Variants in SPTA1 observed in about 807,000 individuals in gnomAD.
The protein encoded by SPTA1 is spectrin alpha, erythrocytic 1, also known as spectrin alpha chain, erythrocytic 1.
A neutral mutation model predicts 324.7 loss-of-function variants in SPTA1; 177 were observed. The observed-to-expected ratio is 0.55, with a 90% confidence interval of 0.48 to 0.62. The LOEUF is 0.62. Among genes scored for constraint, SPTA1 ranks in the 20% least tolerant of loss-of-function variants. The pLI is 0.00. For synonymous variants in SPTA1, 1,195 were observed against 1,041.3 expected (o/e 1.15, Z -2.84); for missense variants, 3,162 against 2,883.6 (o/e 1.10, Z -2.21).
intron 39 of SPTA1, 75 bp downstream of exon 39, chr1:158,634,468 G>A (rs1650910622): frequency 1.3e-6 from 2 of 1,587,184 alleles, no homozygotes; most frequent in African/African-American, 1.3e-5. Context: ...TAATATTACA[G>A]GTAAAAACAC....
intron 42 of SPTA1, among the ~76,000 whole-genome samples, chr1:158,625,122 A>C (rs1206133601): frequency 6.6e-6 from 1 of 152,226 alleles, no homozygotes; most frequent in Non-Finnish European, 1.5e-5. Flanking sequence ...ACCCAACTAT[A>C]CAATATTTAC....
chr1:158,662,019 T>A (rs887748298), intron 17 of SPTA1, among the ~76,000 whole-genome samples: 8 of 152,196 alleles, frequency 5.3e-5, no homozygotes, highest in Admixed American at 6.5e-5. Context: ...ATGCTTTATC[T>A]CTTTTCCCTC....
intron 32 of SPTA1, 102 bp downstream of exon 32, chr1:158,642,712 T>C: frequency 3.8e-6 from 6 of 1,594,196 alleles, no homozygotes; most frequent in Non-Finnish European, 4.3e-6. Flanking sequence ...GCAGGCATGG[T>C]AGCCTCAACA....
chr1:158,636,575 A>C, intron 37 of SPTA1, 66 bp downstream of exon 37: 1 of 1,573,192 alleles, frequency 6.4e-7, no homozygotes, highest in East Asian at 2.2e-5. Flanking sequence ...CCTCTTATTT[A>C]TCTGTAACAC....
At chr1:158,644,197 T>C (rs1571433690) in intron 30 of SPTA1, 56 bp downstream of exon 30, 1 of 1,600,900 alleles carries the variant, frequency 6.2e-7, no homozygotes, top group Admixed American at 1.7e-5. Flanking sequence ...ATGTGTAGGA[T>C]TTCTGTTATT....
At position 158,639,900 on chromosome 1, in the gene SPTA1, G is replaced by A. The variant is rs750057794; in HGVS notation, c.4845C>T (p.Ser1615=). ...EASRQQRFNT[S]IRDFEFWLSE... ...AGAGCCAGAACTCAAAGTCCCGGAT[G>A]CTTGTGTTGAACCTCTGTTGACGAC... Residue 1615 remains serine, a synonymous_variant, in exon 34 of 52, where the codon AGC becomes AGT. Transcript: ENST00000643759. 1 of 1,613,932 alleles carries A rather than the reference G, an allele frequency of 6.2e-7. No individual in the cohort carries two copies. The highest frequency in any genetic ancestry group is 8.5e-7 in the Non-Finnish European group (1 of 1,179,920).
rs1376260371 is a variant in SPTA1 at position 158,654,724 on chromosome 1, C to T, written c.2923G>A (p.Gly975Arg). ...ATGACCCTTTGTTCTCCAGCAACTC[C>T]CTCCACTGGTGCAGCCTGTTGTTGC... is the stretch of plus-strand genomic sequence containing the variant. ...CQQQQAAPVE[G>R]VAGEQRVMAL... is the part of the protein sequence containing the mutation. Residue 975 changes from glycine to arginine, a missense_variant, in exon 21 of 52, where the codon GGA becomes AGA. Coordinates refer to ENST00000643759, the MANE Select transcript of SPTA1 (RefSeq NM_003126.4). 5.0e-6 allele frequency: 8 copies of T among 1,613,684 alleles called. No individual in the cohort carries two copies. The highest frequency in any genetic ancestry group is 1.1e-5 in the South Asian group (1 of 91,052).
At chr1:158,616,483 C>T (rs2101752179) in intron 47 of SPTA1, among the ~76,000 whole-genome samples, 1 of 151,850 alleles carries the variant, frequency 6.6e-6, no homozygotes, top group South Asian at 2.1e-4. Flanking sequence ...TTGCTCCCAC[C>T]TACGAGTGAG....
At chr1:158,637,938 A>T in intron 36 of SPTA1, 95 bp downstream of exon 36, 1 of 1,389,956 alleles carries the variant, frequency 7.2e-7, no homozygotes, top group Non-Finnish European at 1.0e-6. Flanking sequence ...TTCAAGAAAC[A>T]AGTACAAATT....
Position 158,677,712 on chromosome 1 carries a change from T to C in SPTA1, c.935A>G (p.Asn312Ser). ...LFHSHKGLER[N>S]LAVMSDKVKE... ...TACCTTGTCACTCATGACAGCAAGA[T>C]TTCTCTCAAGTCCCTTGTGACTGTG... The change falls in exon 7 of 52, where the codon AAT becomes AGT. Residue 312 changes from asparagine to serine, a missense_variant. Physicochemically the swap from Asn to Ser is conservative, Grantham distance 46. Transcript: ENST00000643759. 1 of 1,613,512 alleles carries C rather than the reference T, an allele frequency of 6.2e-7. No homozygotes were observed.
At chr1:158,641,664 G>A (rs1235394596) in intron 33 of SPTA1, among the ~76,000 whole-genome samples, 3 of 152,132 alleles carry the variant, frequency 2.0e-5, no homozygotes, top group African/African-American at 4.8e-5. Flanking sequence ...GAAACAACAG[G>A]TGCTGGAGAG....
At position 158,636,711 on chromosome 1, in the gene SPTA1, C is replaced by T; in HGVS notation, c.5240G>A (p.Gly1747Glu). 1 of 1,614,094 alleles carries T rather than the reference C, an allele frequency of 6.2e-7. No homozygotes were observed. The highest frequency in any genetic ancestry group is 8.5e-7 in the Non-Finnish European group (1 of 1,179,992). The change falls in exon 37 of 52, where the codon GGG becomes GAG. Residue 1747 changes from glycine (G) to glutamate (E), a missense_variant. Gly to Glu is a moderately conservative substitution (Grantham distance 98). Coordinates refer to ENST00000643759, the MANE Select transcript of SPTA1 (RefSeq NM_003126.4). Reference sequence around the variant, plus strand: ...GTGCTTCTTCAGCAAGTTCTGAACCCCCTGAAGATCTCTCCCATAGTCCTG... The same window carrying T: ...GTGCTTCTTCAGCAAGTTCTGAACCTCCTGAAGATCTCTCCCATAGTCCTG... The part of the protein sequence containing the change: ...SSQDYGRDLQ[G>E]VQNLLKKHKR...
intron 31 of SPTA1, 82 bp from the exon 32 acceptor site, chr1:158,643,058 G>T (rs1651733364): frequency 6.4e-6 from 10 of 1,562,276 alleles, no homozygotes; most frequent in African/African-American, 1.4e-5. Context: ...CTTCCCATTT[G>T]CCAACATGCC....
intron 33 of SPTA1, among the ~76,000 whole-genome samples, chr1:158,641,428 T>G (rs889295273): frequency 6.6e-6 from 1 of 151,906 alleles, no homozygotes; most frequent in African/African-American, 2.4e-5. Context: ...AGGGCTAATA[T>G]CCAGAATCTA....
chr1:158,682,563 T>C (rs115012790), intron 3 of SPTA1, among the ~76,000 whole-genome samples: 7,118 of 152,268 alleles, frequency 0.047, 208 homozygotes, highest in Non-Finnish European at 0.077. Context: ...CCGTTGACCA[T>C]ATTTTGATGA....
In SPTA1 at chr1:158,677,797, C is replaced by T. The variant is rs1325208281; in HGVS notation, c.850G>A (p.Glu284Lys). 3 of 1,613,640 alleles carry T rather than the reference C, an allele frequency of 1.9e-6. No homozygotes were observed. Among genetic ancestry groups the T allele is most frequent in the East Asian group, 4.5e-5 (2 of 44,850 alleles). The change falls in exon 7 of 52, where the codon GAA (glutamate) becomes AAA (lysine). Residue 284 changes from glutamate (E) to lysine (K), a missense_variant. Physicochemically the swap from Glu to Lys is moderately conservative, Grantham distance 56. Transcript: ENST00000643759. ...TEAIQWIKEK[E>K]PVLTSEDYGK... ...TAGTCCTCAGAGGTGAGTACAGGTT[C>T]CTTCTCCTTGATCCACTGGATGGCT...
In SPTA1 at chr1:158,619,002, G is replaced by A. The variant is rs188834785; in HGVS notation, c.6530+220C>T. Among the ~76,000 whole-genome samples the A allele has an allele frequency of 4.6e-5, 7 of 152,270 alleles. No individual in the cohort carries two copies. The East Asian group carries it at 1.4e-3, about 29-fold the overall frequency. ...AGTATCAAGGAGAGAATACAGAAGT[G>A]TACATAATAAGCAGAAGGATGAAAT... is the stretch of plus-strand genomic sequence containing the variant. On this transcript the variant is annotated intron_variant, in intron 45 of 51. Coordinates refer to ENST00000643759, the MANE Select transcript of SPTA1 (RefSeq NM_003126.4).
At chr1:158,657,786 T>C (rs1652934010) in intron 18 of SPTA1, 92 bp from the exon 19 acceptor site, 1 of 1,297,776 alleles carries the variant, frequency 7.7e-7, no homozygotes, top group Non-Finnish European at 1.1e-6. Context: ...AGAAAGGAAG[T>C]GATAAAAATG....
At chr1:158,615,887 G>A (rs1247123821) in intron 47 of SPTA1, among the ~76,000 whole-genome samples, 2 of 152,076 alleles carry the variant, frequency 1.3e-5, no homozygotes, top group African/African-American at 4.8e-5. Context: ...TTCACTCCTG[G>A]GCCACTTTCA....
Sources: gnomAD v4.1 joint callset for allele counts (sites outside exome capture counted in the v4.1 genomes callset) on GRCh38, gnomAD v4.1.1 for gene constraint, MANE v1.5 for transcripts, NCBI Gene and HGNC (gene_info 2026-07-23, HGNC 2026-07-21) for gene names.